PUM1: variants seen among roughly 807,000 people sequenced by gnomAD.
The protein encoded by PUM1 is pumilio homolog 1.
PUM1 carries 13 observed loss-of-function variants against 131.8 expected under a neutral mutation model. The observed-to-expected ratio is 0.10, with a 90% CI of 0.06 to 0.16. PUM1 has a LOEUF of 0.16. Among genes scored for constraint, PUM1 ranks in the 10% least tolerant of loss-of-function variants. The pLI is 1.00. For synonymous variants in PUM1, 509 were observed against 556.5 expected (o/e 0.91, Z 1.20); for missense variants, 961 against 1,512.4 (o/e 0.64, Z 6.05).
intron 3 of PUM1, among the ~76,000 whole-genome samples, chr1:31,008,558 C>T (rs1642478913): frequency 6.6e-6 from 1 of 152,086 alleles, no homozygotes; most frequent in East Asian, 1.9e-4. Context: ...GAGCCCCGAT[C>T]GAGGGTAGCA....
At chr1:31,029,913 C>CAAAA (rs10592751) in intron 2 of PUM1, among the ~76,000 whole-genome samples, 1 of 120,036 alleles carries the variant, frequency 8.3e-6, no homozygotes. Flanking sequence ...GATCCTTTTT[C>CAAAA]AAAAAAAAAA....
intron 17 of PUM1, among the ~76,000 whole-genome samples, chr1:30,946,653 T>A (rs936204547): frequency 2.2e-4 from 28 of 126,304 alleles, no homozygotes; most frequent in African/African-American, 5.5e-4. Context: ...AAAAAAAAAA[T>A]TATTTTATAT....
At chr1:30,949,160 G>C in intron 17 of PUM1, 3 of 447,738 alleles carry the variant, frequency 6.7e-6, no homozygotes, top group South Asian at 4.7e-5. Flanking sequence ...TCTCATTACC[G>C]AACTTTGTTC....
chr1:31,019,027 A>G (rs1642924916), intron 3 of PUM1, among the ~76,000 whole-genome samples: 1 of 152,232 alleles, frequency 6.6e-6, no homozygotes, highest in Non-Finnish European at 1.5e-5. Flanking sequence ...AGAGCAATCA[A>G]GTTGAGATAA....
At chr1:31,026,691 CTTTGGCA>C (rs1643234528) in intron 3 of PUM1, among the ~76,000 whole-genome samples, 1 of 152,164 alleles carries the variant, frequency 6.6e-6, no homozygotes, top group African/African-American at 2.4e-5. Flanking sequence ...GATGTGTTAC[CTTTGGCA>C]AATTATTTCA....
At chr1:30,939,718 C>T (rs1639364490) in intron 20 of PUM1, among the ~76,000 whole-genome samples, 1 of 152,150 alleles carries the variant, frequency 6.6e-6, no homozygotes, top group Admixed American at 6.6e-5. Context: ...TGTAGCTGGA[C>T]ATGGTGGTGT....
chr1:31,056,549 T>C (rs1001351485), intron 2 of PUM1, among the ~76,000 whole-genome samples: 18 of 149,458 alleles, frequency 1.2e-4, no homozygotes, highest in African/African-American at 4.2e-4. Context: ...TCCCAAAGTG[T>C]TGAGATTGCA....
At chr1:30,958,890 A>G (rs1640284311) in intron 14 of PUM1, among the ~76,000 whole-genome samples, 1 of 152,206 alleles carries the variant, frequency 6.6e-6, no homozygotes. Context: ...TGCCTTGTTC[A>G]GGGTCACAAC....
intron 18 of PUM1, among the ~76,000 whole-genome samples, chr1:30,943,155 A>C (rs1486171451): frequency 1.3e-5 from 2 of 152,190 alleles, no homozygotes; most frequent in East Asian, 3.8e-4. Flanking sequence ...AAAATGCTAC[A>C]CTTGTAGTCT....
intron 9 of PUM1, 102 bp from the exon 10 acceptor site, chr1:30,974,904 T>A: frequency 4.7e-6 from 4 of 851,376 alleles, no homozygotes; most frequent in Non-Finnish European, 7.1e-6. Context: ...TGTAAAATAT[T>A]AACTTAAAAG....
intron 14 of PUM1, among the ~76,000 whole-genome samples, chr1:30,957,174 G>T (rs1228965962): frequency 7.4e-5 from 11 of 149,514 alleles, no homozygotes; most frequent in Non-Finnish European, 1.6e-4. Flanking sequence ...ATTTTCCTAG[G>T]TACTAAATTA....
intron 7 of PUM1, among the ~76,000 whole-genome samples, chr1:30,991,493 TC>T (rs1372620253): frequency 6.6e-6 from 1 of 152,186 alleles, no homozygotes; most frequent in Non-Finnish European, 1.5e-5. Context: ...CATAATAATC[TC>T]CAAAGACCAT....
chr1:30,937,345 T>A (rs1173095282), intron 20 of PUM1, among the ~76,000 whole-genome samples: 1 of 152,146 alleles, frequency 6.6e-6, no homozygotes, highest in African/African-American at 2.4e-5. Flanking sequence ...CTTATGCCTA[T>A]CTCCCTGCTG....
chr1:30,958,154 G>A (rs1386398374), intron 14 of PUM1, among the ~76,000 whole-genome samples: 1 of 152,150 alleles, frequency 6.6e-6, no homozygotes, highest in Non-Finnish European at 1.5e-5. Context: ...GGTATTTTCT[G>A]TTTGAGCTGT....
chr1:30,960,949 C>A (rs189945999), intron 14 of PUM1, among the ~76,000 whole-genome samples: 53 of 151,446 alleles, frequency 3.5e-4, no homozygotes, highest in Admixed American at 1.9e-3. Context: ...AAATAAAAAA[C>A]TAGTGCATTT....
intron 2 of PUM1, among the ~76,000 whole-genome samples, chr1:31,049,925 G>A (rs1241435585): frequency 1.4e-5 from 2 of 146,796 alleles, no homozygotes; most frequent in Admixed American, 6.9e-5. Flanking sequence ...CGCCTCCCAG[G>A]TTCAAGTGAT....
At chr1:30,952,170 TA>T in intron 16 of PUM1, 63 bp downstream of exon 16, 1 of 1,516,994 alleles carries the variant, frequency 6.6e-7, no homozygotes, top group Non-Finnish European at 9.1e-7. Context: ...TTAAAAAGGC[TA>T]ATGAAAATCA....
intron 5 of PUM1, among the ~76,000 whole-genome samples, chr1:31,005,165 A>C (rs547687845): frequency 1.3e-5 from 2 of 152,342 alleles, no homozygotes; most frequent in African/African-American, 4.8e-5. Flanking sequence ...TGTTTTGAGA[A>C]AGGCTATCAC....
intron 2 of PUM1, among the ~76,000 whole-genome samples, chr1:31,042,263 A>G (rs1406874977): frequency 7.2e-5 from 11 of 151,906 alleles, no homozygotes; most frequent in African/African-American, 2.7e-4. Context: ...CCGAGATTGC[A>G]CCACTGCACT....
Sources: gnomAD v4.1 joint callset for allele counts (sites outside exome capture counted in the v4.1 genomes callset) on GRCh38, gnomAD v4.1.1 for gene constraint, MANE v1.5 for transcripts, NCBI Gene and HGNC (gene_info 2026-07-23, HGNC 2026-07-21) for gene names.